The following CSAD variants were observed in gnomAD, a reference collection of about 807,000 sequenced individuals.
CSAD encodes P-selectin cytoplasmic tail-associated protein.
A neutral mutation model predicts 61.5 loss-of-function variants in CSAD; 47 were observed. The observed-to-expected ratio is 0.76, with a 90% CI of 0.60 to 0.97. CSAD has a LOEUF of 0.97. Ranked by LOEUF, CSAD falls within the 50% of genes least tolerant of loss-of-function variation. The pLI is 0.00. For missense variants in CSAD, 611 were observed against 643.6 expected, an observed-to-expected ratio of 0.95 and a Z score of 0.55; for synonymous variants, 245 against 252.7, an observed-to-expected ratio of 0.97 and a Z score of 0.29.
intron 10 of CSAD, among the ~76,000 whole-genome samples, chr12:53,163,504 A>G (rs1467833130): frequency 1.3e-5 from 2 of 152,222 alleles, no homozygotes; most frequent in Non-Finnish European, 2.9e-5. Context: ...ACAAAAATCA[A>G]TTGTATCTCT....
chr12:53,170,289 G>C, intron 9 of CSAD, 134 bp downstream of exon 9: 3 of 987,386 alleles, frequency 3.0e-6, no homozygotes, highest in Non-Finnish European at 4.7e-6. Flanking sequence ...TGGTAGACAG[G>C]AACAGCAATT....
upstream of CSAD, chr12:53,181,325 C>T (rs1941619640): frequency 1.0e-6 from 1 of 985,428 alleles, no homozygotes; most frequent in Admixed American, 6.1e-5. Flanking sequence ...TTTCCTCCAC[C>T]CTAGTCTTGC....
intron 1 of CSAD, chr12:53,179,862 G>A: frequency 6.2e-7 from 1 of 1,612,298 alleles, no homozygotes; most frequent in South Asian, 1.1e-5. Context: ...TCTCTCTAAT[G>A]GCTAAGGCTA....
chr12:53,170,093 C>T lies in CSAD; in HGVS notation c.681G>A (p.Gln227=). Residue 227 remains glutamine (Q), a synonymous_variant, in exon 10 of 17, where the codon CAG becomes CAA. Transcript: ENST00000444623. The stretch of plus-strand genomic sequence containing the variant: ...TCACCTCAGCCTCGGCCATACCAAT[C>T]TGCCTCTCCAGATCCTCGGGGACCA... ...GKMVPEDLER[Q]IGMAEAEGAV... The T allele has an allele frequency of 1.9e-6, 3 of 1,614,140 alleles. No homozygotes were observed. The highest frequency in any genetic ancestry group is 2.5e-6 in the Non-Finnish European group (3 of 1,180,006).
rs904840959 is a variant in CSAD, at chr12:53,179,952, G to A, written c.-91+780C>T. 3.2e-6 allele frequency: 5 copies of A among 1,555,410 alleles called. No homozygotes were observed. The African/African-American group carries it at 6.9e-5, about 21-fold the overall frequency. On this transcript the variant is annotated intron_variant, in intron 1 of 16. Transcript: ENST00000444623. ...AAGAGCCAGGACTCCCATAAGACTA[G>A]TCTACTGTGGGAGTCAGGGTCTTTT...
At chr12:53,170,212 A>C in intron 9 of CSAD, 86 bp from the exon 10 acceptor site, 2 of 1,287,078 alleles carry the variant, frequency 1.6e-6, no homozygotes, top group Admixed American at 3.6e-5. Flanking sequence ...CAGAGACAAC[A>C]GTGCTAGTTT....
At chr12:53,173,993 C>G (rs1940897247) in intron 2 of CSAD, 7 of 553,866 alleles carry the variant, frequency 1.3e-5, no homozygotes, top group Non-Finnish European at 2.3e-5. Context: ...TTTGTCTAGT[C>G]TGGCCATTTC....
In CSAD at chr12:53,161,408, G is replaced by A; in HGVS notation, c.703-19C>T. ...CAGCACCCTGTTGCCAAAATGTAGA[G>A]GGAGAAAGATGTAAAGTCATCTCAA... is the stretch of plus-strand genomic sequence containing the variant. On this transcript the variant is annotated intron_variant, in intron 10 of 16. Coordinates refer to ENST00000444623, the MANE Select transcript of CSAD (RefSeq NM_001244705.2). 6.3e-7 allele frequency: 1 copy of A among 1,594,392 alleles called. No individual in the cohort carries two copies. Among genetic ancestry groups the A allele is most frequent in the South Asian group, 1.1e-5 (1 of 90,548 alleles).
At chr12:53,173,510 T>C (rs1158882821) in intron 3 of CSAD, 34 bp from the exon 4 acceptor site, 3 of 1,614,040 alleles carry the variant, frequency 1.9e-6, no homozygotes, top group East Asian at 4.5e-5. Context: ...CTACTCAGCC[T>C]GTCAACCCTT....
intron 2 of CSAD, 183 bp from the exon 3 acceptor site, chr12:53,173,953 G>T (rs2121515295): frequency 1.6e-6 from 1 of 621,136 alleles, no homozygotes; most frequent in Non-Finnish European, 2.9e-6. Flanking sequence ...CCGACCCCTG[G>T]CAACTACTAA....
At chr12:53,166,940 A>C (rs1331791260) in intron 10 of CSAD, among the ~76,000 whole-genome samples, 1 of 152,226 alleles carries the variant, frequency 6.6e-6, no homozygotes, top group Non-Finnish European at 1.5e-5. Context: ...CACACACAAA[A>C]AAACAAGTAG....
In CSAD at chr12:53,171,322, C is replaced by G; in HGVS notation, c.567+4G>C. 1 of 1,614,036 alleles carries G rather than the reference C, an allele frequency of 6.2e-7. No individual in the cohort carries two copies. On this transcript the variant is annotated splice_donor_region_variant and intron_variant, in intron 8 of 16. Coordinates refer to ENST00000444623, the MANE Select transcript of CSAD (RefSeq NM_001244705.2). ...CCAGGGTTGGGCCTGTGCCTCTTCCCCACCTCCTTCGATGTGAATAGGGCC... is the reference window on the plus strand; with the variant it reads ...CCAGGGTTGGGCCTGTGCCTCTTCCGCACCTCCTTCGATGTGAATAGGGCC...
intron 16 of CSAD, 41 bp from the exon 17 acceptor site, chr12:53,158,725 C>G (rs146238383): frequency 1.3e-6 from 2 of 1,593,124 alleles, no homozygotes; most frequent in South Asian, 1.1e-5. Context: ...CAGCCTGGGT[C>G]GGCTGACAGG....
intron 2 of CSAD, among the ~76,000 whole-genome samples, chr12:53,176,011 G>A (rs570644803): frequency 3.9e-5 from 6 of 152,260 alleles, no homozygotes; most frequent in East Asian, 1.9e-4. Context: ...TCACAGGTCC[G>A]TGTGGCATTT....
chr12:53,160,981 C>G, intron 12 of CSAD, 137 bp from the exon 13 acceptor site: 2 of 1,135,722 alleles, frequency 1.8e-6, no homozygotes, highest in Non-Finnish European at 2.6e-6. Flanking sequence ...ACTGCCATGT[C>G]TGACCTCCCA....
At chr12:53,179,790 A>T (rs1941421724) in intron 1 of CSAD, 1 of 1,613,320 alleles carries the variant, frequency 6.2e-7, no homozygotes, top group Non-Finnish European at 8.5e-7. Context: ...AGAAATGAGG[A>T]CTTCAGTGGA....
intron 1 of CSAD, chr12:53,179,587 A>G: frequency 3.5e-6 from 2 of 568,028 alleles, no homozygotes; most frequent in South Asian, 4.6e-5. Context: ...TTTTGTCTCT[A>G]TTTTAGAATG....
intron 2 of CSAD, among the ~76,000 whole-genome samples, chr12:53,176,735 T>A (rs1941139285): frequency 6.6e-6 from 1 of 151,708 alleles, no homozygotes. Flanking sequence ...AAAAAAAATA[T>A]TTATTTATTA....
At chr12:53,168,887 A>T (rs938395000) in intron 10 of CSAD, among the ~76,000 whole-genome samples, 68 of 152,284 alleles carry the variant, frequency 4.5e-4, no homozygotes, top group African/African-American at 1.6e-3. Context: ...ATTTTTTTTT[A>T]AAACATTTAT....
Sources: gnomAD v4.1 joint callset for allele counts (sites outside exome capture counted in the v4.1 genomes callset) on GRCh38, gnomAD v4.1.1 for gene constraint, MANE v1.5 for transcripts, NCBI Gene and HGNC (gene_info 2026-07-23, HGNC 2026-07-21) for gene names.